The following ADGRA2 variants were observed in gnomAD, a reference collection of about 807,000 sequenced individuals.
ADGRA2 encodes the protein G-protein coupled receptor 124.
In ADGRA2, 61 loss-of-function variants were observed where a neutral mutation model predicts 98.7. That is an observed-to-expected ratio of 0.62 (90% confidence interval 0.50 to 0.76). The LOEUF (loss-of-function observed/expected upper bound fraction) is 0.76. Ranked by LOEUF, ADGRA2 falls within the 30% of genes least tolerant of loss-of-function variation. The pLI is 0.00. For missense variants in ADGRA2, 1,712 were observed against 1,860.0 expected, an observed-to-expected ratio of 0.92 and a Z score of 1.46; for synonymous variants, 858 against 831.5, an observed-to-expected ratio of 1.03 and a Z score of -0.55.
In ADGRA2 at chr8:37,829,847, G is replaced by T. The variant is rs367806002; in HGVS notation, c.555-4G>T. On this transcript the variant is annotated splice_region_variant and splice_polypyrimidine_tract_variant and intron_variant, in intron 5 of 18. Coordinates refer to ENST00000412232, the MANE Select transcript of ADGRA2 (RefSeq NM_032777.10). ...GCTCCGTGACCCCTCTGCCCACCCT[G>T]CAGGGACTTGGGCACCGAGTTCCTG... 1.2e-6 allele frequency: 2 copies of T among 1,608,738 alleles called. No individual in the cohort carries two copies. The highest frequency in any genetic ancestry group is 1.7e-6 in the Non-Finnish European group (2 of 1,177,782).
Position 37,821,475 on chromosome 8 carries a change from A to T in ADGRA2, c.338+6508A>T, listed in dbSNP as rs1454090207. On this transcript the variant is annotated intron_variant, in intron 2 of 18. Coordinates refer to ENST00000412232, the MANE Select transcript of ADGRA2 (RefSeq NM_032777.10). Reference sequence around the variant, plus strand: ...GCTGAAATATACATGCTCCAAGTACAGCTGGTGATTCATTCCCCGGGATCC... The same window carrying T: ...GCTGAAATATACATGCTCCAAGTACTGCTGGTGATTCATTCCCCGGGATCC... 2.0e-5 allele frequency among the ~76,000 whole-genome samples: 3 copies of T among 152,156 alleles called. No homozygotes were observed. In the East Asian group the frequency reaches 5.8e-4, roughly 29 times the overall value.
Position 37,837,834 on chromosome 8 carries a change from C to G in ADGRA2, c.2154C>G (p.Pro718=), listed in dbSNP as rs918028686. 6.5e-7 allele frequency: 1 copy of G among 1,529,990 alleles called. No homozygotes were observed. Among genetic ancestry groups the G allele is most frequent in the East Asian group, 2.4e-5 (1 of 40,968 alleles). 94.8% of individuals were successfully genotyped at this position (1,529,990 alleles called of 1,614,324 possible). Residue 718 remains proline (P), a synonymous_variant, in exon 14 of 19, where the codon CCC becomes CCG. Transcript: ENST00000412232. ...CCGCTTGGTGGAGCCAGGAGGGGCC[C>G]GGGGAGGCTGGGGGCTGGACCTCGG... ...PVAAWWSQEG[P]GEAGGWTSEG... is the part of the protein sequence containing the mutation.
intron 1 of ADGRA2, among the ~76,000 whole-genome samples, chr8:37,813,964 C>T (rs1199841926): frequency 6.6e-6 from 1 of 152,250 alleles, no homozygotes; most frequent in Non-Finnish European, 1.5e-5. Context: ...GGGCCTGCAC[C>T]TCTGGCCTTC....
chr8:37,828,995 C>A, intron 3 of ADGRA2, 36 bp downstream of exon 3: 1 of 1,456,364 alleles, frequency 6.9e-7, no homozygotes. Flanking sequence ...CCACCCCTCC[C>A]CTCCCGAGGG....
chr8:37,820,724 G>T (rs2129969886), intron 2 of ADGRA2, among the ~76,000 whole-genome samples: 1 of 152,364 alleles, frequency 6.6e-6, no homozygotes, highest in East Asian at 1.9e-4. Context: ...CTCCTTGGCT[G>T]AGAGCCCCTT....
intron 2 of ADGRA2, among the ~76,000 whole-genome samples, chr8:37,822,892 CTTT>C (rs1279274845): frequency 7.2e-6 from 1 of 139,318 alleles, no homozygotes; most frequent in African/African-American, 2.6e-5. Flanking sequence ...GTGGATACTA[CTTT>C]TTTTTTTTTT....
In ADGRA2 at chr8:37,835,407, T is replaced by C; in HGVS notation, c.1833+9T>C. 1 of 1,387,042 alleles carries C rather than the reference T, an allele frequency of 7.2e-7. No individual in the cohort carries two copies. The allele number at this position is 1,387,042 out of a possible 1,614,324, so 85.9% of individuals were successfully genotyped here. A position where few individuals can be genotyped will look rare whatever the true frequency, so the allele number is the denominator to read the frequency against. The stretch of plus-strand genomic sequence containing the variant: ...CGTCCTTCCACATCAAGGTGGGCGC[T>C]GGGGGAGGGAGAGGGGGTGGGAGAA... On this transcript the variant is annotated intron_variant, in intron 12 of 18. Transcript: ENST00000412232.
At chr8:37,822,734 T>C (rs926079249) in intron 2 of ADGRA2, among the ~76,000 whole-genome samples, 8 of 152,196 alleles carry the variant, frequency 5.3e-5, no homozygotes, top group Non-Finnish European at 1.2e-4. Context: ...AGGTAATCTT[T>C]CATAACTCGA....
intron 2 of ADGRA2, among the ~76,000 whole-genome samples, chr8:37,815,432 C>A (rs143037120): frequency 3.9e-5 from 6 of 152,234 alleles, no homozygotes; most frequent in Non-Finnish European, 7.3e-5. Flanking sequence ...GCCTCTCCCC[C>A]ACTCCAGCCC....
chr8:37,823,984 C>T (rs1454036877), intron 2 of ADGRA2, among the ~76,000 whole-genome samples: 1 of 151,780 alleles, frequency 6.6e-6, no homozygotes, highest in Non-Finnish European at 1.5e-5. Flanking sequence ...CAAATATTTT[C>T]TCTCATTCTG....
chr8:37,831,438 TCA>T lies in ADGRA2; in HGVS notation c.951_952del (p.Ile318ArgfsTer86). 1 of 1,611,854 alleles carries T rather than the reference TCA, an allele frequency of 6.2e-7. No individual in the cohort carries two copies. Among genetic ancestry groups the T allele is most frequent in the East Asian group, 2.2e-5 (1 of 44,888 alleles). On this transcript the variant is annotated frameshift_variant, in exon 8 of 19. Coordinates refer to ENST00000412232, the MANE Select transcript of ADGRA2 (RefSeq NM_032777.10). LOFTEE classifies it high-confidence loss of function. ...TFITSELTLS[H>X]IGVWASGEWE... The stretch of plus-strand genomic sequence containing the variant: ...CCACCCGCAGTGAGCTGACGCTGTC[TCA>T]CATCGGCGTGTGGGCCTCAGGCGAG...
intron 1 of ADGRA2, among the ~76,000 whole-genome samples, chr8:37,809,984 C>G (rs572776825): frequency 6.6e-6 from 1 of 152,310 alleles, no homozygotes; most frequent in East Asian, 1.9e-4. Flanking sequence ...TGCTGCCGCC[C>G]TGCACACTGA....
chr8:37,817,407 T>C (rs1805011466), intron 2 of ADGRA2, among the ~76,000 whole-genome samples: 1 of 152,148 alleles, frequency 6.6e-6, no homozygotes. Context: ...GCCACCAAGC[T>C]GCTATCTAAA....
Position 37,802,019 on chromosome 8 carries a change from G to A in ADGRA2, c.266+4485G>A, listed in dbSNP as rs74531740. Among the ~76,000 whole-genome samples the A allele has an allele frequency of 5.8e-3, 887 of 152,322 alleles. 38 individuals are homozygous for A. The East Asian group carries it at 0.078, about 13-fold the overall frequency. Reference sequence around the variant, plus strand: ...TCAGGGAAGCGGGGGTGCCCACCACGCAGGCTGCCCACCTAGGGGAGAAGA... The same window carrying A: ...TCAGGGAAGCGGGGGTGCCCACCACACAGGCTGCCCACCTAGGGGAGAAGA... On this transcript the variant is annotated intron_variant, in intron 1 of 18. Coordinates refer to ENST00000412232, the MANE Select transcript of ADGRA2 (RefSeq NM_032777.10). The surrounding 1 kb of genome is among the most constrained non-coding windows in gnomAD (Gnocchi z 4.7).
intron 2 of ADGRA2, among the ~76,000 whole-genome samples, chr8:37,815,210 G>T (rs546942467): frequency 6.6e-6 from 1 of 152,344 alleles, no homozygotes; most frequent in South Asian, 2.1e-4. Flanking sequence ...TGGGGAGCGG[G>T]TTCTGAGAAG....
At chr8:37,812,156 T>G (rs62490685) in intron 1 of ADGRA2, among the ~76,000 whole-genome samples, 32,858 of 113,004 alleles carry the variant, frequency 0.29, 3,867 homozygotes, top group Middle Eastern at 0.41. Flanking sequence ...TGCAATGGTG[T>G]TGTTGTTGTT....
At position 37,840,201 on chromosome 8, in the gene ADGRA2, C is replaced by G; in HGVS notation, c.2592C>G (p.Leu864=). The G allele has an allele frequency of 6.2e-7, 1 of 1,612,762 alleles. No homozygotes were observed. The highest frequency in any genetic ancestry group is 1.7e-5 in the Admixed American group (1 of 60,018). ...AGGCGCGAGTGCTCCATAAGGAGCT[C>G]ACCTGGAGGGCACCCCCTCCGCAAG... The part of the protein sequence containing the change: ...GVKARVLHKE[L]TWRAPPPQEG... Residue 864 remains leucine, a synonymous_variant, in exon 17 of 19, where the codon CTC becomes CTG. Transcript: ENST00000412232.
intron 1 of ADGRA2, among the ~76,000 whole-genome samples, chr8:37,804,292 G>C (rs1332551210): frequency 6.6e-6 from 1 of 152,186 alleles, no homozygotes; most frequent in Non-Finnish European, 1.5e-5. Context: ...GAGGAAGCAA[G>C]ACAGAGAGAT....
intron 1 of ADGRA2, among the ~76,000 whole-genome samples, chr8:37,806,379 C>T (rs1804659455): frequency 6.6e-6 from 1 of 152,146 alleles, no homozygotes; most frequent in Non-Finnish European, 1.5e-5. Flanking sequence ...AGCCAGGATG[C>T]TGTGACCCCC....
Sources: gnomAD v4.1 joint callset for allele counts (sites outside exome capture counted in the v4.1 genomes callset) on GRCh38, gnomAD v4.1.1 for gene constraint, Gnocchi (gnomAD v3.1) non-coding constraint, MANE v1.5 for transcripts, NCBI Gene and HGNC (gene_info 2026-07-23, HGNC 2026-07-21) for gene names.